The following ELL variants were observed in gnomAD, a reference collection of about 807,000 sequenced individuals.
ELL encodes the protein elongation factor for RNA polymerase II.
Under a neutral mutation model 64.0 loss-of-function variants are expected in ELL, and 18 were observed. The observed-to-expected ratio is 0.28, with a 90% CI of 0.19 to 0.42. The LOEUF is 0.42. Ranked by LOEUF, ELL falls within the 10% of genes least tolerant of loss-of-function variation. ELL has a pLI of 1.00. For missense variants in ELL, 797 were observed against 870.4 expected, an observed-to-expected ratio of 0.92 and a Z score of 1.06; for synonymous variants, 399 against 376.2, an observed-to-expected ratio of 1.06 and a Z score of -0.70.
In ELL at chr19:18,470,342, G is replaced by GC. The variant is rs572616127; in HGVS notation, c.183+2492dup. On this transcript the variant is annotated intron_variant, in intron 2 of 11. Coordinates refer to ENST00000262809, the MANE Select transcript of ELL (RefSeq NM_006532.4). ...CTGAGATGGGGGTTGGGGATGAGGG[G>GC]CCCCCCCACTGCTCAGGTTGGGGTA... is the stretch of plus-strand genomic sequence containing the variant. Among the ~76,000 whole-genome samples the GC allele has an allele frequency of 2.6e-4, 39 of 152,306 alleles. No homozygotes were observed. The East Asian group carries it at 4.1e-3, about 16-fold the overall frequency.
chr19:18,456,159 A>G (rs1974670390), intron 6 of ELL, among the ~76,000 whole-genome samples: 1 of 151,960 alleles, frequency 6.6e-6, no homozygotes, highest in Non-Finnish European at 1.5e-5. Context: ...GCCTGCCAAG[A>G]GCAGTTTGAG....
intron 2 of ELL, among the ~76,000 whole-genome samples, chr19:18,469,936 G>A (rs897662699): frequency 2.0e-5 from 3 of 152,240 alleles, no homozygotes; most frequent in Admixed American, 6.5e-5. Context: ...GGGGCGTTCC[G>A]ACAACGATGA....
chr19:18,470,869 CA>C, intron 2 of ELL: 1 of 443,884 alleles, frequency 2.3e-6, no homozygotes, highest in South Asian at 1.6e-5. Context: ...ACAGACTCCC[CA>C]GCCCACAGTC....
At chr19:18,454,655 G>A (rs1052842413) in intron 6 of ELL, among the ~76,000 whole-genome samples, 2 of 150,056 alleles carry the variant, frequency 1.3e-5, no homozygotes, top group African/African-American at 2.5e-5. Flanking sequence ...AGCCTGGCCT[G>A]CATGGTGAAA....
chr19:18,520,920 G>T (rs1333147040), intron 1 of ELL, among the ~76,000 whole-genome samples: 1 of 152,066 alleles, frequency 6.6e-6, no homozygotes, highest in Non-Finnish European at 1.5e-5. Context: ...CACAGACGGG[G>T]GGAGGGGGGG....
At chr19:18,460,667 A>G (rs1974789119) in intron 5 of ELL, among the ~76,000 whole-genome samples, 1 of 152,166 alleles carries the variant, frequency 6.6e-6, no homozygotes, top group Admixed American at 6.5e-5. Flanking sequence ...GTAAACATGG[A>G]AGAACGTCCT....
intron 5 of ELL, among the ~76,000 whole-genome samples, chr19:18,461,314 G>A (rs1974809123): frequency 6.6e-6 from 1 of 152,260 alleles, no homozygotes; most frequent in Non-Finnish European, 1.5e-5. Flanking sequence ...AGCAGACAGT[G>A]AAGGAGGGCC....
At chr19:18,471,179 C>A in intron 2 of ELL, 1 of 365,588 alleles carries the variant, frequency 2.7e-6, no homozygotes, top group Non-Finnish European at 5.3e-6. Context: ...TCAAGACCAG[C>A]CTGGACAACA....
intron 10 of ELL, 120 bp downstream of exon 10, chr19:18,446,189 C>T (rs1974409596): frequency 3.2e-6 from 4 of 1,249,692 alleles, no homozygotes; most frequent in Non-Finnish European, 4.3e-6. Context: ...GGGGGAGAAG[C>T]GCTGCCTGGG....
At chr19:18,503,501 G>A (rs1975823522) in intron 1 of ELL, among the ~76,000 whole-genome samples, 1 of 152,140 alleles carries the variant, frequency 6.6e-6, no homozygotes, top group Non-Finnish European at 1.5e-5. Context: ...GACAGAACAG[G>A]CTATTGCAGG....
rs766806897 is a variant in ELL, at chr19:18,445,205, C to G, written c.1749+19G>C. ...CCCATGGCTCACTTGGAGCCCACCC[C>G]AACACAAGAGACACTCACCTTTTTG... On this transcript the variant is annotated intron_variant, in intron 11 of 11. Coordinates refer to ENST00000262809, the MANE Select transcript of ELL (RefSeq NM_006532.4). 1.2e-6 allele frequency: 2 copies of G among 1,614,062 alleles called. No individual in the cohort carries two copies. Among genetic ancestry groups the G allele is most frequent in the Non-Finnish European group, 1.7e-6 (2 of 1,180,008 alleles).
intron 1 of ELL, 165 bp from the exon 2 acceptor site, chr19:18,473,047 C>T (rs992536024): frequency 1.7e-5 from 14 of 807,754 alleles, no homozygotes; most frequent in East Asian, 2.7e-5. Flanking sequence ...GCAAGGTCAC[C>T]GGAGCAGGGT....
At chr19:18,512,576 T>C (rs1349605757) in intron 1 of ELL, among the ~76,000 whole-genome samples, 1 of 152,096 alleles carries the variant, frequency 6.6e-6, no homozygotes, top group Non-Finnish European at 1.5e-5. Flanking sequence ...GAGGCAGAGG[T>C]TGCAATGAGC....
intron 1 of ELL, among the ~76,000 whole-genome samples, chr19:18,479,837 C>G (rs541485078): frequency 6.6e-6 from 1 of 152,092 alleles, no homozygotes; most frequent in Non-Finnish European, 1.5e-5. Context: ...TGGCCAGGTC[C>G]CAGGATACCT....
intron 5 of ELL, among the ~76,000 whole-genome samples, chr19:18,459,312 A>G (rs1406821154): frequency 6.6e-6 from 1 of 152,128 alleles, no homozygotes; most frequent in African/African-American, 2.4e-5. Flanking sequence ...GGTTGACCAA[A>G]GCTAAGTTCG....
rs35433498 is a variant in ELL at position 18,463,985 on chromosome 19, C to CAA, written c.469+1425_469+1426dup. Among the ~76,000 whole-genome samples, 1,334 of 138,858 alleles carry CAA rather than the reference C, an allele frequency of 9.6e-3. 31 individuals are homozygous for CAA. The highest frequency in any genetic ancestry group is 0.033 in the African/African-American group (1,266 of 38,306). The allele number at this position is 138,858 out of a possible 152,430, so 91.1% of individuals were successfully genotyped here. A position where few individuals can be genotyped will look rare whatever the true frequency, so the allele number is the denominator to read the frequency against. ...TGGGCGACAGACCGCGACTCCATCT[C>CAA]AAAAAAAAAAAACCCTCACTGTACC... On this transcript the variant is annotated intron_variant, in intron 4 of 11. Transcript: ENST00000262809.
intron 2 of ELL, among the ~76,000 whole-genome samples, chr19:18,469,119 G>A (rs934268022): frequency 6.6e-6 from 1 of 152,188 alleles, no homozygotes; most frequent in Non-Finnish European, 1.5e-5. Context: ...GGTGACACAG[G>A]CCTCAAAGCT....
intron 5 of ELL, among the ~76,000 whole-genome samples, chr19:18,460,190 T>A (rs59549953): frequency 0.026 from 3,939 of 152,246 alleles, 107 homozygotes; most frequent in African/African-American, 0.071. Context: ...CCTCAGCATG[T>A]CTGAGGGCCT....
intron 1 of ELL, among the ~76,000 whole-genome samples, chr19:18,477,572 C>G (rs149593983): frequency 1.3e-5 from 2 of 152,060 alleles, no homozygotes; most frequent in African/African-American, 4.8e-5. Context: ...GCCGAGGTGC[C>G]GACACTGCAC....
Sources: gnomAD v4.1 joint callset for allele counts (sites outside exome capture counted in the v4.1 genomes callset) on GRCh38, gnomAD v4.1.1 for gene constraint, MANE v1.5 for transcripts, NCBI Gene and HGNC (gene_info 2026-07-23, HGNC 2026-07-21) for gene names.